ANGPT4: variants seen among roughly 807,000 people sequenced by gnomAD.
The protein encoded by ANGPT4 is angiopoietin 4, also known as angiopoietin-4.
Under a neutral mutation model 53.0 loss-of-function variants are expected in ANGPT4, and 50 were observed. That is an observed-to-expected ratio of 0.94 (90% CI 0.75 to 1.20). ANGPT4 has a LOEUF of 1.20. Among genes scored for constraint, ANGPT4 ranks in the 50% most tolerant of loss-of-function variants. The pLI is 0.00. For synonymous variants in ANGPT4, 251 were observed against 259.7 expected (o/e 0.97, Z 0.32); for missense variants, 648 against 637.1 (o/e 1.02, Z -0.18).
chr20:873,768 GTC>G (rs1003406488), intron 8 of ANGPT4, among the ~76,000 whole-genome samples: 1 of 152,058 alleles, frequency 6.6e-6, no homozygotes, highest in African/African-American at 2.4e-5. Flanking sequence ...CAGCCTTGGT[GTC>G]TCTCTCTTTC....
chr20:913,726 C>A (rs981563541), intron 1 of ANGPT4, among the ~76,000 whole-genome samples: 1 of 152,178 alleles, frequency 6.6e-6, no homozygotes, highest in African/African-American at 2.4e-5. Context: ...TGACAGCATC[C>A]TGGGAAAGAT....
intron 1 of ANGPT4, among the ~76,000 whole-genome samples, chr20:904,438 G>T (rs924518785): frequency 6.6e-6 from 1 of 152,144 alleles, no homozygotes; most frequent in East Asian, 1.9e-4. Flanking sequence ...TTCCATCTAT[G>T]GGCCTCCATT....
chr20:896,963 G>A (rs932300959), intron 1 of ANGPT4, among the ~76,000 whole-genome samples: 1 of 152,178 alleles, frequency 6.6e-6, no homozygotes, highest in Non-Finnish European at 1.5e-5. Context: ...AAAATGGCTG[G>A]TTCCTGCCTT....
intron 1 of ANGPT4, among the ~76,000 whole-genome samples, chr20:902,555 G>T (rs1982326939): frequency 6.6e-6 from 1 of 152,076 alleles, no homozygotes; most frequent in Non-Finnish European, 1.5e-5. Flanking sequence ...ATTATGGAAG[G>T]TACTTGACCC....
intron 1 of ANGPT4, among the ~76,000 whole-genome samples, chr20:898,156 C>T (rs77657552): frequency 0.034 from 5,099 of 152,182 alleles, 110 homozygotes; most frequent in Middle Eastern, 0.071. Context: ...TTCTTTTCTA[C>T]GGACTCATCT....
At chr20:888,878 C>T (rs1050307508) in intron 2 of ANGPT4, among the ~76,000 whole-genome samples, 4 of 152,232 alleles carry the variant, frequency 2.6e-5, no homozygotes, top group Non-Finnish European at 5.9e-5. Flanking sequence ...TCAAAAGCTT[C>T]CTGTGGCTCC....
chr20:912,926 GC>G (rs1306565323), intron 1 of ANGPT4, among the ~76,000 whole-genome samples: 1 of 152,138 alleles, frequency 6.6e-6, no homozygotes, highest in Admixed American at 6.5e-5. Flanking sequence ...ATCCAGATTG[GC>G]TTTCACTGCT....
intron 4 of ANGPT4, among the ~76,000 whole-genome samples, chr20:882,272 C>T (rs1469059978): frequency 6.6e-6 from 1 of 152,190 alleles, no homozygotes; most frequent in Non-Finnish European, 1.5e-5. Context: ...GATTTAAAAT[C>T]TCCTCTGTCT....
At position 878,165 on chromosome 20, in the gene ANGPT4, A is replaced by ATAGC; in HGVS notation, c.1212_1215dup (p.Tyr406AlafsTer27). 1 of 1,595,994 alleles carries ATAGC rather than the reference A, an allele frequency of 6.3e-7. No homozygotes were observed. Among genetic ancestry groups the ATAGC allele is most frequent in the African/African-American group, 1.3e-5 (1 of 74,758 alleles). On this transcript the variant is annotated frameshift_variant, in exon 7 of 9. Transcript: ENST00000381922. LOFTEE classifies it high-confidence loss of function. ...CGGCCTGGGCCCCGAACCCACCTGT[A>ATAGC]TAGCTGGTTCTCACTGCCCAGGTGG...
chr20:914,749 C>A lies in ANGPT4; in HGVS notation c.309+1157G>T, dbSNP rs1982854216. Among the ~76,000 whole-genome samples, 1 of 152,108 alleles carries A rather than the reference C, an allele frequency of 6.6e-6. No individual in the cohort carries two copies. Among genetic ancestry groups the A allele is most frequent in the Non-Finnish European group, 1.5e-5 (1 of 68,006 alleles). On this transcript the variant is annotated intron_variant, in intron 1 of 8. Transcript: ENST00000381922. This position sits in a 1 kb window ranked among gnomAD's most constrained non-coding sequence, Gnocchi z 5.0. Reference sequence around the variant, plus strand: ...ACTTAGGGACTCTGAAGAGTCCCATCTCAGACCCCCCAGGATGTCTCCTGT... The same window carrying A: ...ACTTAGGGACTCTGAAGAGTCCCATATCAGACCCCCCAGGATGTCTCCTGT...
intron 4 of ANGPT4, among the ~76,000 whole-genome samples, chr20:883,877 G>C (rs1249524922): frequency 6.6e-6 from 1 of 152,194 alleles, no homozygotes; most frequent in Non-Finnish European, 1.5e-5. Context: ...TAATCCACAT[G>C]TCGCGATTTG....
intron 7 of ANGPT4, among the ~76,000 whole-genome samples, chr20:875,899 G>A (rs1981147191): frequency 6.6e-6 from 1 of 152,148 alleles, no homozygotes; most frequent in Non-Finnish European, 1.5e-5. Context: ...GGAGGCTGAG[G>A]CAGGCTGATT....
intron 2 of ANGPT4, among the ~76,000 whole-genome samples, chr20:889,808 A>G (rs1157634694): frequency 1.3e-5 from 2 of 152,136 alleles, no homozygotes; most frequent in African/African-American, 2.4e-5. Flanking sequence ...TTTATTCACT[A>G]GTTCCTTCCC....
rs888688573 is a variant in ANGPT4, at chr20:914,959, A to G, written c.309+947T>C. Among the ~76,000 whole-genome samples, 2 of 152,068 alleles carry G rather than the reference A, an allele frequency of 1.3e-5. No individual in the cohort carries two copies. The highest frequency in any genetic ancestry group is 2.9e-5 in the Non-Finnish European group (2 of 68,012). On this transcript the variant is annotated intron_variant, in intron 1 of 8. Coordinates refer to ENST00000381922, the MANE Select transcript of ANGPT4 (RefSeq NM_015985.4). This position sits in a 1 kb window ranked among gnomAD's most constrained non-coding sequence, Gnocchi z 5.0. The stretch of plus-strand genomic sequence containing the variant: ...AGCTCCTTGCTTCCTCCCACTCCGC[A>G]TCCAATTCACCAGCAGAGCTGATGG...
intron 7 of ANGPT4, among the ~76,000 whole-genome samples, chr20:876,905 G>A (rs1466671513): frequency 6.6e-6 from 1 of 152,082 alleles, no homozygotes; most frequent in African/African-American, 2.4e-5. Flanking sequence ...AAATCAGCTG[G>A]GCATGGTAGT....
intron 1 of ANGPT4, among the ~76,000 whole-genome samples, chr20:892,795 T>C (rs575967682): frequency 6.6e-6 from 1 of 152,168 alleles, no homozygotes; most frequent in South Asian, 2.1e-4. Flanking sequence ...ACCTCCCAAA[T>C]AGCTGGGACG....
At chr20:884,435 CA>C in intron 4 of ANGPT4, among the ~76,000 whole-genome samples, 1 of 152,362 alleles carries the variant, frequency 6.6e-6, no homozygotes. Context: ...GCCTGCCACA[CA>C]GTAAGTGCTT....
chr20:896,725 G>A (rs1448183409), intron 1 of ANGPT4, among the ~76,000 whole-genome samples: 1 of 152,138 alleles, frequency 6.6e-6, no homozygotes, highest in Non-Finnish European at 1.5e-5. Context: ...TTAGGCTGGG[G>A]CCTCTACTGG....
Position 914,071 on chromosome 20 carries a change from A to T in ANGPT4, c.309+1835T>A, listed in dbSNP as rs1004120471. ...AGGATGGAGACCTGGGACCTGAGAG[A>T]TTGGAAGGACATTTATGCATTCATG... On this transcript the variant is annotated intron_variant, in intron 1 of 8. Transcript: ENST00000381922. The surrounding 1 kb of genome is among the most constrained non-coding windows in gnomAD (Gnocchi z 5.0). Among the ~76,000 whole-genome samples the T allele has an allele frequency of 6.6e-6, 1 of 152,052 alleles. No homozygotes were observed. Among genetic ancestry groups the T allele is most frequent in the African/African-American group, 2.4e-5 (1 of 41,394 alleles).
Sources: gnomAD v4.1 joint callset for allele counts (sites outside exome capture counted in the v4.1 genomes callset) on GRCh38, gnomAD v4.1.1 for gene constraint, Gnocchi (gnomAD v3.1) non-coding constraint, MANE v1.5 for transcripts, NCBI Gene and HGNC (gene_info 2026-07-23, HGNC 2026-07-21) for gene names.